Variants in HRH1 observed in about 807,000 individuals in gnomAD.
The protein encoded by HRH1 is histamine receptor H1.
HRH1 carries 6 observed loss-of-function variants against 10.3 expected under a neutral mutation model. That is an observed-to-expected ratio of 0.58 (90% confidence interval 0.32 to 1.15). The LOEUF (loss-of-function observed/expected upper bound fraction) is 1.15. HRH1 is among the 50% of genes most tolerant of loss of function. The pLI is 0.05. For missense variants in HRH1, 514 were observed against 615.3 expected, an observed-to-expected ratio of 0.84 and a Z score of 1.74; for synonymous variants, 242 against 236.7, an observed-to-expected ratio of 1.02 and a Z score of -0.21.
intron 1 of HRH1, among the ~76,000 whole-genome samples, chr3:11,217,416 C>G (rs1163070046): frequency 6.6e-6 from 1 of 152,038 alleles, no homozygotes; most frequent in Non-Finnish European, 1.5e-5. Context: ...GTAATCTCAG[C>G]TACTCAGGAG....
chr3:11,231,300 G>T (rs983660320), intron 1 of HRH1, among the ~76,000 whole-genome samples: 1 of 152,086 alleles, frequency 6.6e-6, no homozygotes, highest in Non-Finnish European at 1.5e-5. Flanking sequence ...AAGCATTCAT[G>T]TTCAGTTTTT....
chr3:11,259,962 C>A lies in HRH1; in HGVS notation c.925C>A (p.His309Asn), dbSNP rs1489662183. 1 of 1,614,142 alleles carries A rather than the reference C, an allele frequency of 6.2e-7. No individual in the cohort carries two copies. Among genetic ancestry groups the A allele is most frequent in the Non-Finnish European group, 8.5e-7 (1 of 1,180,020 alleles). ...CTACTGCTTTCCACTTGATATTGTG[C>A]ACATGCAGGCTGCGGCAGAGGGGAG... ...KLYCFPLDIV[H>N]MQAAAEGSSR... is the part of the protein sequence containing the mutation. Residue 309 changes from histidine to asparagine, a missense_variant, in exon 2 of 2, where the codon CAC becomes AAC. By Grantham distance (68) the His-to-Asn change is moderately conservative. Coordinates refer to ENST00000431010, the MANE Select transcript of HRH1 (RefSeq NM_001098212.2). The surrounding 1 kb of genome is among the most constrained non-coding windows in gnomAD (Gnocchi z 4.6).
intron 1 of HRH1, among the ~76,000 whole-genome samples, chr3:11,204,145 G>A (rs1379998746): frequency 6.6e-6 from 1 of 152,112 alleles, no homozygotes; most frequent in East Asian, 1.9e-4. Context: ...CATTCGCTGA[G>A]GCTCAGTGGG....
intron 1 of HRH1, among the ~76,000 whole-genome samples, chr3:11,181,807 A>G (rs1045534845): frequency 2.0e-5 from 3 of 150,958 alleles, no homozygotes; most frequent in African/African-American, 4.9e-5. Context: ...AATTTTTTGT[A>G]TTTTTAGTAG....
At chr3:11,218,447 CAAAAAA>C in intron 1 of HRH1, among the ~76,000 whole-genome samples, 1 of 53,998 alleles carries the variant, frequency 1.9e-5, no homozygotes. Context: ...GACTCCATCT[CAAAAAA>C]AAAAAAAAAA....
At chr3:11,169,177 C>G (rs1033716576) in intron 1 of HRH1, among the ~76,000 whole-genome samples, 1 of 152,198 alleles carries the variant, frequency 6.6e-6, no homozygotes, top group Non-Finnish European at 1.5e-5. Context: ...GTGCCTCAGT[C>G]TCCTCCTCTG....
At chr3:11,191,371 G>C (rs1315979447) in intron 1 of HRH1, among the ~76,000 whole-genome samples, 1 of 152,142 alleles carries the variant, frequency 6.6e-6, no homozygotes, top group Non-Finnish European at 1.5e-5. Flanking sequence ...CTTAGCGAAG[G>C]AAATGTCTGG....
At chr3:11,234,511 C>T in intron 1 of HRH1, 3 of 1,438,874 alleles carry the variant, frequency 2.1e-6, no homozygotes, top group South Asian at 2.3e-5. Flanking sequence ...TGGCCATTCC[C>T]CCAAGGCATG....
chr3:11,242,227 A>T (rs1307628190), intron 1 of HRH1, among the ~76,000 whole-genome samples: 3 of 152,080 alleles, frequency 2.0e-5, no homozygotes, highest in Non-Finnish European at 4.4e-5. Context: ...CATGCCTGTA[A>T]TCCCAGCACT....
At chr3:11,222,953 A>G (rs1938756668) in intron 1 of HRH1, among the ~76,000 whole-genome samples, 1 of 151,364 alleles carries the variant, frequency 6.6e-6, no homozygotes, top group Non-Finnish European at 1.5e-5. Flanking sequence ...TTGGGAGGCC[A>G]AGGCAGGCGG....
chr3:11,193,140 T>C (rs1387264471), intron 1 of HRH1, among the ~76,000 whole-genome samples: 2 of 152,256 alleles, frequency 1.3e-5, no homozygotes, highest in African/African-American at 4.8e-5. Context: ...TAAGCATGGT[T>C]GTATAACTCA....
In HRH1 at chr3:11,263,055, T is replaced by A. The variant is rs958803534; in HGVS notation, c.*2554T>A. On this transcript the variant is annotated 3_prime_UTR_variant, in exon 2 of 2. Transcript: ENST00000431010. ...CTGAGGCCCAGAGAGATTGAGGAAC[T>A]GCTCCGAGGTCTGATTCTGGAATGT... The A allele has an allele frequency of 6.0e-6, 1 of 167,114 alleles. No individual in the cohort carries two copies. The highest frequency in any genetic ancestry group is 2.4e-5 in the African/African-American group (1 of 41,466). The allele number at this position is 167,114 out of a possible 1,614,324, so 10.4% of individuals were successfully genotyped here.
intron 1 of HRH1, among the ~76,000 whole-genome samples, chr3:11,190,070 T>C (rs1358536215): frequency 6.6e-6 from 1 of 152,156 alleles, no homozygotes; most frequent in Non-Finnish European, 1.5e-5. Context: ...TCTGGTGTGT[T>C]CTAGGGTGGC....
At chr3:11,167,099 C>T (rs1937057589) in intron 1 of HRH1, among the ~76,000 whole-genome samples, 2 of 149,258 alleles carry the variant, frequency 1.3e-5, no homozygotes, top group South Asian at 2.1e-4. Flanking sequence ...CCTGTGACAT[C>T]TGCTGTTCCC....
chr3:11,178,215 T>C (rs1395928634), intron 1 of HRH1, among the ~76,000 whole-genome samples: 3 of 152,224 alleles, frequency 2.0e-5, no homozygotes, highest in Non-Finnish European at 4.4e-5. Flanking sequence ...CGCCAGCTTC[T>C]GACTGCTGGG....
chr3:11,221,100 C>T (rs1203470559), intron 1 of HRH1, among the ~76,000 whole-genome samples: 1 of 152,148 alleles, frequency 6.6e-6, no homozygotes, highest in Admixed American at 6.6e-5. Flanking sequence ...TGCTGTCTAC[C>T]ACAAGACACC....
In HRH1 at chr3:11,260,979, T is replaced by C. The variant is rs1357317339; in HGVS notation, c.*478T>C. ...GAGCTGTATAACTGTGCAGAGACTT[T>C]ATCCATGCCAATAGTTGCTGTCCCC... On this transcript the variant is annotated 3_prime_UTR_variant, in exon 2 of 2. Transcript: ENST00000431010. 5.9e-6 allele frequency: 1 copy of C among 170,104 alleles called. No individual in the cohort carries two copies. Among genetic ancestry groups the C allele is most frequent in the African/African-American group, 2.4e-5 (1 of 41,462 alleles). The allele number at this position is 170,104 out of a possible 1,614,324, so 10.5% of individuals were successfully genotyped here.
chr3:11,194,549 A>C (rs1937606075), intron 1 of HRH1, among the ~76,000 whole-genome samples: 1 of 152,218 alleles, frequency 6.6e-6, no homozygotes, highest in African/African-American at 2.4e-5. Context: ...AGCTCACAGC[A>C]GGGCATGTTG....
At position 11,260,771 on chromosome 3, in the gene HRH1, A is replaced by C. The variant is rs201219261; in HGVS notation, c.*270A>C. ...TGTAACTGGGTTCAAAAAGAAAAAA[A>C]TAATAAAAATAAAAGAGAGAGAGAA... On this transcript the variant is annotated 3_prime_UTR_variant, in exon 2 of 2. Transcript: ENST00000431010. The C allele has an allele frequency of 4.6e-5, 19 of 413,976 alleles. No individual in the cohort carries two copies. Among genetic ancestry groups the C allele is most frequent in the Middle Eastern group, 1.4e-3 (2 of 1,458 alleles). 25.6% of individuals were successfully genotyped at this position (413,976 alleles called of 1,614,324 possible).
Sources: allele counts gnomAD v4.1 joint callset (sites outside exome capture counted in the v4.1 genomes callset), GRCh38; gene constraint gnomAD v4.1.1; non-coding constraint Gnocchi (gnomAD v3.1); transcripts MANE v1.5; gene names NCBI Gene and HGNC (gene_info 2026-07-23, HGNC 2026-07-21).